The following MAP4 variants were observed in gnomAD, a reference collection of about 807,000 sequenced individuals.
The protein encoded by MAP4 is microtubule associated protein 4.
Under a neutral mutation model 170.2 loss-of-function variants are expected in MAP4, and 76 were observed. The ratio of observed to expected loss-of-function variants is 0.45; its 90% CI spans 0.37 to 0.54. The LOEUF (loss-of-function observed/expected upper bound fraction) is 0.54, where lower values mean the gene tolerates loss of function less well. MAP4 is among the 20% of genes least tolerant of loss of function. The pLI, the probability that MAP4 is intolerant of heterozygous loss-of-function variation, is 0.00. For missense variants in MAP4, 2,506 were observed against 2,748.0 expected, an observed-to-expected ratio of 0.91 and a Z score of 1.97; for synonymous variants, 909 against 994.5, an observed-to-expected ratio of 0.91 and a Z score of 1.62.
In MAP4 at chr3:47,855,390, G is replaced by C. The variant is rs756177452; in HGVS notation, c.6584-30C>G. On this transcript the variant is annotated intron_variant, in intron 18 of 20. Transcript: ENST00000683076. This position sits in a 1 kb window ranked among gnomAD's most constrained non-coding sequence, Gnocchi z 5.1. ...AACCACAAAGGAACTGGTCACCTAG[G>C]GTGGCAGAGGAATATCCCTGCAGGC... 7.1e-7 allele frequency: 1 copy of C among 1,401,174 alleles called. No individual in the cohort carries two copies. The highest frequency in any genetic ancestry group is 1.7e-5 in the Admixed American group (1 of 59,730). 86.8% of individuals were successfully genotyped at this position (1,401,174 alleles called of 1,614,324 possible).
intron 19 of MAP4, 115 bp from the exon 20 acceptor site, chr3:47,853,467 G>A (rs2048332913): frequency 1.3e-6 from 1 of 756,232 alleles, no homozygotes; most frequent in African/African-American, 1.8e-5. Context: ...GGCACCCACT[G>A]GCTCAAGGCA....
At chr3:47,935,981 ATT>A (rs2100052577) in intron 3 of MAP4, among the ~76,000 whole-genome samples, 2 of 151,562 alleles carry the variant, frequency 1.3e-5, no homozygotes, top group Admixed American at 1.3e-4. Flanking sequence ...CCTCAAAAAA[ATT>A]AAGAATTTTA....
chr3:47,881,478 ATATATATATATATATATATG>A, intron 10 of MAP4, among the ~76,000 whole-genome samples: 1 of 101,736 alleles, frequency 9.8e-6, no homozygotes, highest in Non-Finnish European at 2.1e-5. Context: ...ATATATATAT[ATATATATATATATATATATG>A]CATAATCATT....
chr3:47,899,674 A>G (rs1481840926), intron 10 of MAP4, among the ~76,000 whole-genome samples: 1 of 152,214 alleles, frequency 6.6e-6, no homozygotes, highest in Non-Finnish European at 1.5e-5. Context: ...TAAGCTTTCA[A>G]AAAAGATCTG....
intron 3 of MAP4, among the ~76,000 whole-genome samples, chr3:47,950,593 C>G (rs940383297): frequency 6.6e-6 from 1 of 151,414 alleles, no homozygotes; most frequent in East Asian, 1.9e-4. Flanking sequence ...AAAAAAAAAA[C>G]CAAAAACAAA....
intron 10 of MAP4, among the ~76,000 whole-genome samples, chr3:47,898,349 A>C (rs1255593942): frequency 6.6e-6 from 1 of 151,980 alleles, no homozygotes; most frequent in Non-Finnish European, 1.5e-5. Context: ...TGAAAATACA[A>C]AAATTAGCTG....
chr3:47,877,332 T>C (rs746368794), intron 11 of MAP4, 85 bp downstream of exon 11: 2 of 1,039,092 alleles, frequency 1.9e-6, no homozygotes, highest in African/African-American at 3.2e-5. Context: ...AAAAGAAATT[T>C]CATTCGTGAT....
rs899180385 is a variant in MAP4 at position 47,914,714 on chromosome 3, G to T, written c.1999+103C>A. The T allele has an allele frequency of 9.7e-6, 13 of 1,338,314 alleles. No homozygotes were observed. The African/African-American group carries it at 1.7e-4, about 18-fold the overall frequency. The allele number at this position is 1,338,314 out of a possible 1,614,324, so 82.9% of individuals were successfully genotyped here. On this transcript the variant is annotated intron_variant, in intron 8 of 20. Transcript: ENST00000683076. ...GAGAATTGACTTCATAAACTATACT[G>T]CTGATTACCACCATACAACAGGGAA...
intron 1 of MAP4, among the ~76,000 whole-genome samples, chr3:48,087,693 A>G (rs1559929468): frequency 6.6e-6 from 1 of 151,428 alleles, no homozygotes; most frequent in African/African-American, 2.4e-5. Flanking sequence ...TGGGCGGGAG[A>G]CGCGCGCGCG....
At chr3:48,043,478 T>G (rs553944388) in intron 1 of MAP4, among the ~76,000 whole-genome samples, 18 of 152,136 alleles carry the variant, frequency 1.2e-4, no homozygotes, top group African/African-American at 3.6e-4. Context: ...AAAAGAGAGA[T>G]AACACCAAAC....
chr3:47,854,170 C>CAAAG (rs1253478999), intron 19 of MAP4, among the ~76,000 whole-genome samples: 1 of 152,216 alleles, frequency 6.6e-6, no homozygotes, highest in Non-Finnish European at 1.5e-5. Context: ...AGGAAAAGAA[C>CAAAG]ACAAGGCTTA....
At chr3:47,877,170 C>T (rs528970719) in intron 11 of MAP4, 1 of 365,384 alleles carries the variant, frequency 2.7e-6, no homozygotes. Flanking sequence ...AGCCACCATG[C>T]CCGGCCTCTA....
At chr3:47,982,713 CTAAGA>C (rs1290246423) in intron 2 of MAP4, among the ~76,000 whole-genome samples, 2 of 151,908 alleles carry the variant, frequency 1.3e-5, no homozygotes, top group African/African-American at 4.8e-5. Flanking sequence ...AGAAAGTTTT[CTAAGA>C]TAATAAACTA....
At chr3:48,081,183 A>G (rs533139701) in intron 1 of MAP4, among the ~76,000 whole-genome samples, 1 of 151,910 alleles carries the variant, frequency 6.6e-6, no homozygotes, top group Admixed American at 6.6e-5. Flanking sequence ...CCAGCTACTC[A>G]GGAGGCTGAG....
chr3:47,967,839 T>C (rs1183845139), intron 3 of MAP4, among the ~76,000 whole-genome samples: 1 of 152,106 alleles, frequency 6.6e-6, no homozygotes, highest in African/African-American at 2.4e-5. Context: ...GGTGTGCACC[T>C]GTAGTCCTAG....
chr3:47,911,478 T>C lies in MAP4; in HGVS notation c.2943A>G (p.Pro981=), dbSNP rs774927530. Residue 981 remains proline, a synonymous_variant, in exon 9 of 21, where the codon CCA becomes CCG. Coordinates refer to ENST00000683076, the MANE Select transcript of MAP4 (RefSeq NM_001385682.1). The surrounding 1 kb of genome is among the most constrained non-coding windows in gnomAD (Gnocchi z 4.0). ...NLVPTLIASN[P]LECNLKEGNN... ...TCCCTTCTTTTAGATTACATTCTAA[T>C]GGATTACTTGCTATCAAAGTGGGTA... The C allele has an allele frequency of 6.5e-7, 1 of 1,535,960 alleles. No individual in the cohort carries two copies. Among genetic ancestry groups the C allele is most frequent in the South Asian group, 1.2e-5 (1 of 84,024 alleles).
intron 3 of MAP4, among the ~76,000 whole-genome samples, chr3:47,933,103 A>ATCTCTT (rs2100050817): frequency 1.3e-5 from 2 of 151,940 alleles, no homozygotes; most frequent in Non-Finnish European, 2.9e-5. Flanking sequence ...AGAATCTCAA[A>ATCTCTT]AGCATTATGC....
In MAP4 at chr3:47,916,253, T is replaced by C. The variant is rs1184501937; in HGVS notation, c.1574A>G (p.Glu525Gly). 1 of 1,614,108 alleles carries C rather than the reference T, an allele frequency of 6.2e-7. No individual in the cohort carries two copies. Among genetic ancestry groups the C allele is most frequent in the Non-Finnish European group, 8.5e-7 (1 of 1,180,054 alleles). ...ALGKDVTPPP[E>G]TEVVLIKNVC... The stretch of plus-strand genomic sequence containing the variant: ...GTTCTTGATGAGAACTACTTCTGTT[T>C]CTGGAGGTGGAGTCACATCCTTGCC... Residue 525 changes from glutamate to glycine, a missense_variant, in exon 7 of 21, where the codon GAA (glutamate) becomes GGA (glycine). By Grantham distance (98) the Glu-to-Gly change is moderately conservative. Coordinates refer to ENST00000683076, the MANE Select transcript of MAP4 (RefSeq NM_001385682.1).
chr3:47,966,222 C>T (rs1329765247), intron 3 of MAP4, among the ~76,000 whole-genome samples: 1 of 124,226 alleles, frequency 8.0e-6, no homozygotes, highest in Non-Finnish European at 1.6e-5. Context: ...TACAGGCCCA[C>T]ACTACCTTTT....
Sources: allele counts gnomAD v4.1 joint callset (sites outside exome capture counted in the v4.1 genomes callset), GRCh38; gene constraint gnomAD v4.1.1; non-coding constraint Gnocchi (gnomAD v3.1); transcripts MANE v1.5; gene names NCBI Gene and HGNC (gene_info 2026-07-23, HGNC 2026-07-21).